Variants in CD3E observed in about 807,000 individuals in gnomAD.
The protein encoded by CD3E is T-cell surface glycoprotein CD3 epsilon chain.
Under a neutral mutation model 34.7 loss-of-function variants are expected in CD3E, and 16 were observed. The ratio of observed to expected loss-of-function variants is 0.46; its 90% confidence interval spans 0.31 to 0.70. The LOEUF (loss-of-function observed/expected upper bound fraction) is 0.70, where lower values mean the gene tolerates loss of function less well. Among genes scored for constraint, CD3E ranks in the 30% least tolerant of loss-of-function variants. The pLI, the probability that CD3E is intolerant of heterozygous loss-of-function variation, is 0.05. For synonymous variants in CD3E, 70 were observed against 90.8 expected (o/e 0.77, Z 1.30); for missense variants, 223 against 253.9 (o/e 0.88, Z 0.83).
intron 4 of CD3E, among the ~76,000 whole-genome samples, chr11:118,308,899 T>C (rs1329878412): frequency 6.6e-6 from 1 of 152,192 alleles, no homozygotes; most frequent in Non-Finnish European, 1.5e-5. Context: ...TGTTATAATA[T>C]GGGTAGATAC....
chr11:118,315,051 G>T (rs1313125706), intron 8 of CD3E, among the ~76,000 whole-genome samples: 1 of 151,698 alleles, frequency 6.6e-6, no homozygotes, highest in Non-Finnish European at 1.5e-5. Flanking sequence ...TTGAGTTGGG[G>T]TAACAAAGAG....
At chr11:118,312,469 C>T in intron 5 of CD3E, 149 bp from the exon 6 acceptor site, 1 of 918,738 alleles carries the variant, frequency 1.1e-6, no homozygotes, top group East Asian at 2.4e-5. Flanking sequence ...TCTTCCACAC[C>T]CTCTAGCCAG....
intron 2 of CD3E, among the ~76,000 whole-genome samples, chr11:118,306,337 A>T (rs866462752): frequency 6.6e-6 from 1 of 151,976 alleles, no homozygotes; most frequent in Non-Finnish European, 1.5e-5. Context: ...TTCTACAAAA[A>T]ATTAAAAATT....
chr11:118,313,800 A>G lies in CD3E; in HGVS notation c.446A>G (p.Tyr149Cys), dbSNP rs774861719. ...ACTGGGGGCTTGCTGCTGCTGGTTT[A>G]CTACTGGAGCAAGAATAGAAAGGCC... ...CITGGLLLLV[Y>C]YWSKNRKAKA... The change falls in exon 7 of 9, where the codon TAC becomes TGC. Residue 149 changes from tyrosine (Y) to cysteine (C), a missense_variant. Physicochemically the swap from Tyr to Cys is radical, Grantham distance 194. Coordinates refer to ENST00000361763, the MANE Select transcript of CD3E (RefSeq NM_000733.4). The G allele has an allele frequency of 4.3e-6, 7 of 1,614,076 alleles. No homozygotes were observed. In the South Asian group the frequency reaches 7.7e-5, roughly 18 times the overall value.
chr11:118,314,568 G>A (rs1381177447), intron 8 of CD3E, 74 bp downstream of exon 8: 6 of 1,383,352 alleles, frequency 4.3e-6, no homozygotes, highest in South Asian at 1.2e-5. Context: ...AGATGGGATG[G>A]CCCATCTTGT....
At chr11:118,305,975 A>G (rs776871599) in intron 2 of CD3E, among the ~76,000 whole-genome samples, 1 of 152,198 alleles carries the variant, frequency 6.6e-6, no homozygotes, top group Non-Finnish European at 1.5e-5. Flanking sequence ...GTGCACACAA[A>G]TCACCTGGGG....
chr11:118,312,232 A>T (rs1948139541), intron 5 of CD3E, 62 bp downstream of exon 5: 1 of 1,380,138 alleles, frequency 7.2e-7, no homozygotes, highest in East Asian at 2.3e-5. Flanking sequence ...GGTAGATGAG[A>T]AGGAACTGAT....
intron 6 of CD3E, 147 bp downstream of exon 6, chr11:118,313,013 C>A (rs2134767073): frequency 1.1e-6 from 1 of 881,112 alleles, no homozygotes; most frequent in Non-Finnish European, 1.9e-6. Context: ...CTCTCTGGTA[C>A]CACACGGCAT....
Position 118,307,297 on chromosome 11 carries a change from G to T in CD3E, c.59G>T (p.Trp20Leu), listed in dbSNP as rs914391006. 3.1e-6 allele frequency: 5 copies of T among 1,606,686 alleles called. No individual in the cohort carries two copies. Among genetic ancestry groups the T allele is most frequent in the Admixed American group, 3.3e-5 (2 of 59,908 alleles). The stretch of plus-strand genomic sequence containing the variant: ...CTTATTTATTTTCTAGTTGGCGTTT[G>T]GGGGCAAGATGGTGAGATATGCTTT... The part of the protein sequence containing the change: ...LGLCLLSVGV[W>L]GQDGNEEMGG... Residue 20 changes from tryptophan to leucine, a missense_variant, in exon 3 of 9, where the codon TGG becomes TTG. Trp to Leu is a moderately conservative substitution (Grantham distance 61). Transcript: ENST00000361763.
At chr11:118,308,298 C>T in intron 3 of CD3E, 129 bp from the exon 4 acceptor site, 1 of 743,518 alleles carries the variant, frequency 1.3e-6, no homozygotes, top group Non-Finnish European at 2.4e-6. Context: ...TTTTTCTATG[C>T]AGCTGAGGGA....
chr11:118,305,354 A>G (rs1948099924), intron 2 of CD3E, among the ~76,000 whole-genome samples: 1 of 152,220 alleles, frequency 6.6e-6, no homozygotes, highest in Non-Finnish European at 1.5e-5. Context: ...TTTTGAAGAG[A>G]CCAGATACTT....
At chr11:118,314,521 A>G (rs1418995027) in intron 8 of CD3E, 27 bp downstream of exon 8, 3 of 1,608,418 alleles carry the variant, frequency 1.9e-6, no homozygotes, top group Non-Finnish European at 2.6e-6. Context: ...ATGGGCCAGG[A>G]CGCTGGAGGG....
In CD3E at chr11:118,312,188, T is replaced by C; in HGVS notation, c.103+18T>C. ...ACAGACACGTGAGTTTATTGGTCTT[T>C]TATTTATGCCCTGTCTGAGGATGCA... is the stretch of plus-strand genomic sequence containing the variant. On this transcript the variant is annotated intron_variant, in intron 5 of 8. Transcript: ENST00000361763. 3 of 1,607,528 alleles carry C rather than the reference T, an allele frequency of 1.9e-6. No individual in the cohort carries two copies. Among genetic ancestry groups the C allele is most frequent in the East Asian group, 2.2e-5 (1 of 44,840 alleles).
At position 118,307,720 on chromosome 11, in the gene CD3E, G is replaced by C. The variant is rs535193678; in HGVS notation, c.70+412G>C. The stretch of plus-strand genomic sequence containing the variant: ...ATGTCTGAATACTCTGAATATATGT[G>C]TGTACATGTGTATTTATGCAAGTGC... On this transcript the variant is annotated intron_variant, in intron 3 of 8. Transcript: ENST00000361763. Among the ~76,000 whole-genome samples the C allele has an allele frequency of 3.3e-5, 5 of 152,318 alleles. No individual in the cohort carries two copies. In the South Asian group the frequency reaches 1.0e-3, roughly 32 times the overall value.
At chr11:118,308,384 C>T (rs757934174) in intron 3 of CD3E, 43 bp from the exon 4 acceptor site, 27 of 1,538,404 alleles carry the variant, frequency 1.8e-5, no homozygotes, top group Middle Eastern at 1.7e-4. Flanking sequence ...TCTTCATTGC[C>T]GATAGAAACA....
intron 6 of CD3E, 128 bp downstream of exon 6, chr11:118,312,994 A>G: frequency 2.0e-6 from 2 of 995,138 alleles, no homozygotes; most frequent in Admixed American, 3.5e-5. Flanking sequence ...CCCACACTCA[A>G]TCCTGGGACT....
chr11:118,312,667 G>C lies in CD3E; in HGVS notation c.153G>C (p.Gln51His), dbSNP rs774294885. ...CCACAGTAATATTGACATGCCCTCA[G>C]TATCCTGGATCTGAAATACTATGGC... Reference protein sequence around the residue: ...SGTTVILTCPQYPGSEILWQH... With the variant: ...SGTTVILTCPHYPGSEILWQH... The change falls in exon 6 of 9, where the codon CAG becomes CAC. Residue 51 changes from glutamine to histidine, a missense_variant. Transcript: ENST00000361763. 3.7e-6 allele frequency: 6 copies of C among 1,614,022 alleles called. No individual in the cohort carries two copies. The highest frequency in any genetic ancestry group is 5.1e-6 in the Non-Finnish European group (6 of 1,179,916).
Position 118,315,654 on chromosome 11 carries a change from C to A in CD3E, c.*112C>A. On this transcript the variant is annotated 3_prime_UTR_variant, in exon 9 of 9. Coordinates refer to ENST00000361763, the MANE Select transcript of CD3E (RefSeq NM_000733.4). The stretch of plus-strand genomic sequence containing the variant: ...CCACGAGAGAGAATCGTTCCTCAGC[C>A]TCATGGTGAACTCGCGCCCTCCAGC... The A allele has an allele frequency of 3.1e-6, 3 of 969,502 alleles. No homozygotes were observed. The highest frequency in any genetic ancestry group is 4.8e-6 in the Non-Finnish European group (3 of 623,132). 60.1% of individuals were successfully genotyped at this position (969,502 alleles called of 1,614,324 possible).
intron 2 of CD3E, among the ~76,000 whole-genome samples, chr11:118,306,190 AAG>A (rs1555116952): frequency 1.3e-5 from 2 of 150,972 alleles, no homozygotes; most frequent in Non-Finnish European, 3.0e-5. Flanking sequence ...CCTTAAAAAA[AAG>A]AAGAAGGAGG....
Sources: allele counts gnomAD v4.1 joint callset (sites outside exome capture counted in the v4.1 genomes callset), GRCh38; gene constraint gnomAD v4.1.1; transcripts MANE v1.5; gene names NCBI Gene and HGNC (gene_info 2026-07-23, HGNC 2026-07-21).